Variants in SLCO3A1 observed in about 807,000 individuals in gnomAD.
SLCO3A1 encodes solute carrier organic anion transporter family member 3A1.
SLCO3A1 carries 27 observed loss-of-function variants against 63.1 expected under a neutral mutation model. The observed-to-expected ratio is 0.43, with a 90% CI of 0.32 to 0.59. The LOEUF is 0.59. Ranked by LOEUF, SLCO3A1 falls within the 20% of genes least tolerant of loss-of-function variation. SLCO3A1 has a pLI of 0.09. For missense variants in SLCO3A1, 773 were observed against 945.8 expected, an observed-to-expected ratio of 0.82 and a Z score of 2.40; for synonymous variants, 473 against 409.9, an observed-to-expected ratio of 1.15 and a Z score of -1.86.
intron 2 of SLCO3A1, among the ~76,000 whole-genome samples, chr15:92,063,256 G>T (rs2047108446): frequency 6.6e-6 from 1 of 152,156 alleles, no homozygotes; most frequent in Admixed American, 6.5e-5. Flanking sequence ...ATGCTGATCG[G>T]GACCCCTTGT....
chr15:92,092,206 A>G (rs2047486242), intron 2 of SLCO3A1, among the ~76,000 whole-genome samples: 1 of 152,110 alleles, frequency 6.6e-6, no homozygotes, highest in Non-Finnish European at 1.5e-5. Context: ...CAACCCCTTC[A>G]GCTTGTTGGT....
rs2047381973 is a variant in SLCO3A1, at chr15:92,084,429, C to T, written c.647-10452C>T. ...TAGGGATTGTTGTCATCCCATTTTA[C>T]AGAGGAGGAAACTGAGGCCGAGGGA... On this transcript the variant is annotated intron_variant, in intron 2 of 9. Coordinates refer to ENST00000318445, the MANE Select transcript of SLCO3A1 (RefSeq NM_013272.4). Among the ~76,000 whole-genome samples, 3 of 152,136 alleles carry T rather than the reference C, an allele frequency of 2.0e-5. No homozygotes were observed. In the South Asian group the frequency reaches 6.2e-4, roughly 32 times the overall value.
rs1240614171 is a variant in SLCO3A1, at chr15:92,136,891, T to C, written c.1512+8402T>C. Among the ~76,000 whole-genome samples the C allele has an allele frequency of 4.6e-5, 7 of 151,300 alleles. No homozygotes were observed. In the South Asian group the frequency reaches 1.2e-3, roughly 27 times the overall value. On this transcript the variant is annotated intron_variant, in intron 7 of 9. Coordinates refer to ENST00000318445, the MANE Select transcript of SLCO3A1 (RefSeq NM_013272.4). The stretch of plus-strand genomic sequence containing the variant: ...TAATAGTTTACCTGGGAGTTATTTC[T>C]AAATTAGTACATAAGGGATGTTCTT...
chr15:91,939,048 T>C (rs920108319), intron 2 of SLCO3A1, among the ~76,000 whole-genome samples: 4 of 152,130 alleles, frequency 2.6e-5, no homozygotes, highest in Admixed American at 2.0e-4. Flanking sequence ...CTTGCATTGC[T>C]ATAAAGAAAT....
intron 2 of SLCO3A1, among the ~76,000 whole-genome samples, chr15:91,991,012 T>C (rs1429346744): frequency 2.0e-5 from 3 of 152,144 alleles, no homozygotes; most frequent in African/African-American, 7.2e-5. Flanking sequence ...CATGTAGGTG[T>C]GTGGGCCCAG....
chr15:91,934,240 G>A (rs1899329759), intron 2 of SLCO3A1, among the ~76,000 whole-genome samples: 1 of 152,124 alleles, frequency 6.6e-6, no homozygotes, highest in Non-Finnish European at 1.5e-5. Flanking sequence ...ATACTGAATT[G>A]GGGAAGTACA....
At chr15:92,055,659 C>T (rs1255876457) in intron 2 of SLCO3A1, among the ~76,000 whole-genome samples, 2 of 152,182 alleles carry the variant, frequency 1.3e-5, no homozygotes, top group Admixed American at 1.3e-4. Context: ...CTTGCCATGG[C>T]AGACAAGAGA....
chr15:91,876,555 T>C (rs1160350533), intron 1 of SLCO3A1, among the ~76,000 whole-genome samples: 2 of 152,232 alleles, frequency 1.3e-5, no homozygotes, highest in Non-Finnish European at 2.9e-5. Flanking sequence ...AGGTATCTCC[T>C]ATAATTAAGC....
chr15:92,036,033 G>T lies in SLCO3A1; in HGVS notation c.647-58848G>T, dbSNP rs556614542. Among the ~76,000 whole-genome samples the T allele has an allele frequency of 5.8e-4, 85 of 146,868 alleles. 3 individuals carry two copies. The highest frequency in any genetic ancestry group is 1.2e-3 in the Non-Finnish European group (76 of 64,340). ...GTCTCTTCCAGTATAACTGGGGCGT[G>T]GCCACTGCCCAGGGCTTGGACCAGC... On this transcript the variant is annotated intron_variant, in intron 2 of 9. Transcript: ENST00000318445.
chr15:92,090,721 T>G (rs892243404), intron 2 of SLCO3A1, among the ~76,000 whole-genome samples: 3 of 152,070 alleles, frequency 2.0e-5, no homozygotes, highest in Non-Finnish European at 4.4e-5. Flanking sequence ...GAGGGTGTAG[T>G]GAGCTTTGGA....
At chr15:91,917,875 T>C (rs184807750) in intron 2 of SLCO3A1, among the ~76,000 whole-genome samples, 1 of 152,340 alleles carries the variant, frequency 6.6e-6, no homozygotes, top group Admixed American at 6.5e-5. Flanking sequence ...TTGACTGATG[T>C]CACCCTAGGG....
At chr15:92,018,711 G>C (rs66615128) in intron 2 of SLCO3A1, among the ~76,000 whole-genome samples, 30,338 of 152,116 alleles carry the variant, frequency 0.2, 3,253 homozygotes, top group African/African-American at 0.23. Context: ...TCACCTGTGG[G>C]CTGCACCTGA....
chr15:92,009,392 C>G (rs960966034), intron 2 of SLCO3A1, among the ~76,000 whole-genome samples: 6 of 152,206 alleles, frequency 3.9e-5, no homozygotes, highest in Admixed American at 3.9e-4. Context: ...TTAGGTGACT[C>G]AGGTTCTGAG....
intron 2 of SLCO3A1, among the ~76,000 whole-genome samples, chr15:92,013,995 G>C (rs1036437522): frequency 6.6e-6 from 1 of 152,004 alleles, no homozygotes; most frequent in Non-Finnish European, 1.5e-5. Flanking sequence ...ACCTCCCCTC[G>C]CGTGGTCACT....
intron 9 of SLCO3A1, among the ~76,000 whole-genome samples, chr15:92,160,973 C>G (rs1028347480): frequency 6.6e-6 from 1 of 152,122 alleles, no homozygotes; most frequent in African/African-American, 2.4e-5. Flanking sequence ...TGGGTAGGTG[C>G]ATTTTGCTGG....
rs1475482376 is a variant in SLCO3A1 at position 91,968,536 on chromosome 15, G to A, written c.646+52078G>A. The stretch of plus-strand genomic sequence containing the variant: ...GGTGAATAGGGCTCCACAAACCACC[G>A]TGGGGACCAGTGGCATCAAATTCTG... On this transcript the variant is annotated intron_variant, in intron 2 of 9. Coordinates refer to ENST00000318445, the MANE Select transcript of SLCO3A1 (RefSeq NM_013272.4). This position sits in a 1 kb window ranked among gnomAD's most constrained non-coding sequence, Gnocchi z 4.2. Among the ~76,000 whole-genome samples, 2 of 152,042 alleles carry A rather than the reference G, an allele frequency of 1.3e-5. No homozygotes were observed. Among genetic ancestry groups the A allele is most frequent in the African/African-American group, 2.4e-5 (1 of 41,390 alleles).
chr15:92,056,781 G>A (rs1381310741), intron 2 of SLCO3A1, among the ~76,000 whole-genome samples: 3 of 152,172 alleles, frequency 2.0e-5, no homozygotes, highest in Non-Finnish European at 4.4e-5. Flanking sequence ...AGCAGCATGG[G>A]TAGGGTTTAT....
intron 1 of SLCO3A1, among the ~76,000 whole-genome samples, chr15:91,911,321 G>A (rs564901637): frequency 6.6e-6 from 1 of 152,320 alleles, no homozygotes; most frequent in Non-Finnish European, 1.5e-5. Context: ...AGGAAGCTGA[G>A]TAAAGCAGAG....
At chr15:92,029,301 A>G (rs2046616653) in intron 2 of SLCO3A1, among the ~76,000 whole-genome samples, 4 of 152,188 alleles carry the variant, frequency 2.6e-5, no homozygotes, top group African/African-American at 4.8e-5. Flanking sequence ...GGGAACAGCT[A>G]TCAGGGATTG....
Sources: gnomAD v4.1 joint callset for allele counts (sites outside exome capture counted in the v4.1 genomes callset) on GRCh38, gnomAD v4.1.1 for gene constraint, Gnocchi (gnomAD v3.1) non-coding constraint, MANE v1.5 for transcripts, NCBI Gene and HGNC (gene_info 2026-07-23, HGNC 2026-07-21) for gene names.